VPS50: variants seen among roughly 807,000 people sequenced by gnomAD.
VPS50 encodes the protein VPS50 subunit of EARP/GARPII complex, also known as syndetin.
A neutral mutation model predicts 139.7 loss-of-function variants in VPS50; 70 were observed. The ratio of observed to expected loss-of-function variants is 0.50; its 90% CI spans 0.41 to 0.61. The LOEUF (loss-of-function observed/expected upper bound fraction) is 0.61. Among genes scored for constraint, VPS50 ranks in the 20% least tolerant of loss-of-function variants. The pLI is 0.00. For missense variants in VPS50, 921 were observed against 1,133.7 expected (o/e 0.81, Z 2.69); for synonymous variants, 365 against 376.7 (o/e 0.97, Z 0.36).
At chr7:93,330,136 G>A (rs9886012) in intron 21 of VPS50, among the ~76,000 whole-genome samples, 12,790 of 152,150 alleles carry the variant, frequency 0.084, 578 homozygotes, top group East Asian at 0.18. Flanking sequence ...GTATGTGGGG[G>A]GTTATGATGT....
At chr7:93,237,629 T>C (rs1389471484) in intron 1 of VPS50, among the ~76,000 whole-genome samples, 2 of 152,230 alleles carry the variant, frequency 1.3e-5, no homozygotes, top group Non-Finnish European at 2.9e-5. Context: ...GTTAGATTAG[T>C]TAAGCAAATC....
chr7:93,244,555 C>T (rs747703760), intron 2 of VPS50, among the ~76,000 whole-genome samples: 5 of 151,702 alleles, frequency 3.3e-5, no homozygotes, highest in African/African-American at 7.3e-5. Context: ...CCTTTTTGCT[C>T]GAATGTTTTA....
At chr7:93,241,372 A>G (rs368755579) in intron 2 of VPS50, among the ~76,000 whole-genome samples, 59 of 152,120 alleles carry the variant, frequency 3.9e-4, no homozygotes, top group African/African-American at 1.4e-3. Flanking sequence ...CCAGTCTGGG[A>G]TCACAAGGTC....
intron 24 of VPS50, among the ~76,000 whole-genome samples, chr7:93,349,131 C>A (rs572526028): frequency 1.2e-3 from 182 of 152,174 alleles, no homozygotes; most frequent in Middle Eastern, 6.8e-3. Context: ...GGGAGAAGGT[C>A]ATCTAGAAAG....
chr7:93,277,985 C>T (rs1042714069), intron 12 of VPS50, among the ~76,000 whole-genome samples: 3 of 151,848 alleles, frequency 2.0e-5, no homozygotes, highest in Non-Finnish European at 4.4e-5. Context: ...CAATTTTTTT[C>T]TATTAAAGCA....
chr7:93,337,990 G>A (rs772062755), intron 22 of VPS50, among the ~76,000 whole-genome samples: 3 of 152,016 alleles, frequency 2.0e-5, no homozygotes, highest in Non-Finnish European at 4.4e-5. Context: ...ACCACTTTGA[G>A]TAGCCACCCA....
intron 14 of VPS50, among the ~76,000 whole-genome samples, chr7:93,295,030 G>C (rs1404849440): frequency 1.3e-5 from 2 of 152,018 alleles, no homozygotes; most frequent in Non-Finnish European, 2.9e-5. Flanking sequence ...AGCATACTTA[G>C]GTCAGATTAT....
At chr7:93,321,115 T>C (rs1297076362) in intron 20 of VPS50, 1 of 152,236 alleles carries the variant, frequency 6.6e-6, no homozygotes, top group Non-Finnish European at 1.5e-5. Flanking sequence ...AGTGGCATAG[T>C]TGAGCAGTTG....
intron 21 of VPS50, among the ~76,000 whole-genome samples, chr7:93,331,872 A>G (rs1280005262): frequency 1.3e-5 from 2 of 152,238 alleles, no homozygotes; most frequent in African/African-American, 2.4e-5. Context: ...TTATAACTCA[A>G]TAAGAAAACA....
At chr7:93,287,448 C>A in intron 12 of VPS50, among the ~76,000 whole-genome samples, 1 of 148,018 alleles carries the variant, frequency 6.8e-6, no homozygotes, top group East Asian at 2.0e-4. Context: ...AATAAATAGG[C>A]ATATAATGAG....
At position 93,338,723 on chromosome 7, in the gene VPS50, G is replaced by C. The variant is rs184982447; in HGVS notation, c.2059-2704G>C. On this transcript the variant is annotated intron_variant, in intron 22 of 27. Coordinates refer to ENST00000305866, the MANE Select transcript of VPS50 (RefSeq NM_017667.4). ...TGTTTATAGACTTTTTCCTGGAAGGGTTGGATTGAGGCTTTAAAACCAGGG... is the reference window on the plus strand; with the variant it reads ...TGTTTATAGACTTTTTCCTGGAAGGCTTGGATTGAGGCTTTAAAACCAGGG... Among the ~76,000 whole-genome samples, 3 of 152,256 alleles carry C rather than the reference G, an allele frequency of 2.0e-5. No individual in the cohort carries two copies. In the East Asian group the frequency reaches 5.8e-4, roughly 29 times the overall value.
chr7:93,270,192 A>G (rs1795962909), intron 9 of VPS50, among the ~76,000 whole-genome samples: 1 of 151,730 alleles, frequency 6.6e-6, no homozygotes, highest in Admixed American at 6.6e-5. Context: ...TCCTAAGTGT[A>G]TGAGTATAAC....
chr7:93,268,921 G>A (rs1202913737), intron 9 of VPS50, among the ~76,000 whole-genome samples: 2 of 152,122 alleles, frequency 1.3e-5, no homozygotes, highest in Non-Finnish European at 2.9e-5. Context: ...ATAATCACAG[G>A]TGGATATGGG....
intron 9 of VPS50, among the ~76,000 whole-genome samples, chr7:93,261,501 C>A (rs1196171281): frequency 3.3e-5 from 5 of 150,818 alleles, no homozygotes; most frequent in Admixed American, 1.3e-4. Flanking sequence ...CACGGTGAAA[C>A]CCCGTCTCTA....
intron 12 of VPS50, among the ~76,000 whole-genome samples, chr7:93,289,067 T>C (rs1051750512): frequency 3.3e-5 from 5 of 152,116 alleles, no homozygotes; most frequent in Admixed American, 1.3e-4. Flanking sequence ...CTTGAGCCAT[T>C]AGAAACTCTG....
intron 13 of VPS50, among the ~76,000 whole-genome samples, chr7:93,292,555 ATAAAT>A (rs1262876558): frequency 1.3e-5 from 2 of 152,154 alleles, no homozygotes; most frequent in African/African-American, 4.8e-5. Context: ...TATGGATAAA[ATAAAT>A]TATACTGCAC....
At chr7:93,313,159 C>T (rs942922552) in intron 20 of VPS50, among the ~76,000 whole-genome samples, 1 of 152,186 alleles carries the variant, frequency 6.6e-6, no homozygotes, top group Non-Finnish European at 1.5e-5. Flanking sequence ...ACTCCTGAAG[C>T]TTCTGCTTCC....
At chr7:93,308,429 G>A (rs1797176204) in intron 18 of VPS50, among the ~76,000 whole-genome samples, 1 of 151,662 alleles carries the variant, frequency 6.6e-6, no homozygotes, top group Non-Finnish European at 1.5e-5. Context: ...CTTCCAGAAT[G>A]CCAGAATTGG....
chr7:93,294,743 T>A, intron 14 of VPS50, 107 bp downstream of exon 14: 1 of 794,682 alleles, frequency 1.3e-6, no homozygotes, highest in Non-Finnish European at 1.9e-6. Flanking sequence ...TTTGCAGATT[T>A]AATCATATGT....
Sources: gnomAD v4.1 joint callset for allele counts (sites outside exome capture counted in the v4.1 genomes callset) on GRCh38, gnomAD v4.1.1 for gene constraint, MANE v1.5 for transcripts, NCBI Gene and HGNC (gene_info 2026-07-23, HGNC 2026-07-21) for gene names.